Variants in ATPAF2 observed in about 807,000 individuals in gnomAD.
The protein encoded by ATPAF2 is ATP12 homolog.
A neutral mutation model predicts 36.6 loss-of-function variants in ATPAF2; 30 were observed. The observed-to-expected ratio is 0.82, with a 90% confidence interval of 0.61 to 1.11. ATPAF2 has a LOEUF of 1.11. Ranked by LOEUF, ATPAF2 falls within the 50% of genes most tolerant of loss-of-function variation. ATPAF2 has a pLI of 0.00. For missense variants in ATPAF2, 321 were observed against 372.3 expected, an observed-to-expected ratio of 0.86 and a Z score of 1.13; for synonymous variants, 140 against 152.6, an observed-to-expected ratio of 0.92 and a Z score of 0.61.
In ATPAF2 at chr17:18,018,166, C is replaced by T. The variant is rs1205826040; in HGVS notation, c.*383G>A. On this transcript the variant is annotated 3_prime_UTR_variant, in exon 8 of 8. Transcript: ENST00000474627. ...ACCACAGGCAGCAGATATCCAAACA[C>T]GCCATGGGAGATAAGCTGTTTAACC... 2.2e-5 allele frequency: 7 copies of T among 311,946 alleles called. No homozygotes were observed. The East Asian group carries it at 4.8e-4, about 21-fold the overall frequency. The allele number at this position is 311,946 out of a possible 1,614,324, so 19.3% of individuals were successfully genotyped here.
chr17:18,031,066 C>T (rs767780348), intron 1 of ATPAF2, among the ~76,000 whole-genome samples: 1 of 147,070 alleles, frequency 6.8e-6, no homozygotes, highest in Non-Finnish European at 1.5e-5. Context: ...TCTGCCTCCT[C>T]GGTTCACACC....
At chr17:18,025,535 CTAG>C (rs2044530966) in intron 4 of ATPAF2, 2 of 155,000 alleles carry the variant, frequency 1.3e-5, no homozygotes. Flanking sequence ...TCCTCTCACC[CTAG>C]TAGGGCACAG....
chr17:18,026,264 A>G (rs1174184093), intron 4 of ATPAF2, 55 bp downstream of exon 4: 1 of 1,488,240 alleles, frequency 6.7e-7, no homozygotes, highest in African/African-American at 1.4e-5. Flanking sequence ...CCATCTGGGC[A>G]AATCAGGAAA....
chr17:18,030,214 G>A (rs1190886095), intron 1 of ATPAF2, among the ~76,000 whole-genome samples: 3 of 150,636 alleles, frequency 2.0e-5, no homozygotes, highest in Non-Finnish European at 3.0e-5. Context: ...CCAGCTACTC[G>A]GGAGGCTGAG....
chr17:18,024,588 C>A, intron 5 of ATPAF2, 36 bp downstream of exon 5: 1 of 1,576,940 alleles, frequency 6.3e-7, no homozygotes. Context: ...AACGCAGGTG[C>A]CCAGTCAGTG....
intron 1 of ATPAF2, among the ~76,000 whole-genome samples, chr17:18,030,317 T>C (rs2044608359): frequency 1.4e-5 from 1 of 70,322 alleles, no homozygotes; most frequent in Non-Finnish European, 2.3e-5. Flanking sequence ...CAAGACTCCA[T>C]CTCAAAAAAA....
chr17:18,018,713 G>T, intron 7 of ATPAF2, 27 bp from the exon 8 acceptor site: 1 of 1,613,768 alleles, frequency 6.2e-7, no homozygotes, highest in South Asian at 1.1e-5. Flanking sequence ...ACAAGTTGCT[G>T]GGTGAGTGGC....
At chr17:18,028,200 C>T in intron 3 of ATPAF2, 32 bp downstream of exon 3, 1 of 1,614,108 alleles carries the variant, frequency 6.2e-7, no homozygotes, top group East Asian at 2.2e-5. Flanking sequence ...GGGTGGGTCT[C>T]AGGGTCCAGG....
chr17:18,020,517 C>T (rs2044454140), intron 7 of ATPAF2, among the ~76,000 whole-genome samples: 1 of 152,230 alleles, frequency 6.6e-6, no homozygotes, highest in African/African-American at 2.4e-5. Context: ...CCAGCTGGCA[C>T]ATTTTCCAGA....
intron 6 of ATPAF2, 88 bp from the exon 7 acceptor site, chr17:18,021,326 C>A (rs767003220): frequency 2.0e-6 from 2 of 996,498 alleles, no homozygotes; most frequent in Non-Finnish European, 3.1e-6. Flanking sequence ...TAGCAGAGAA[C>A]AGGAGTGAGT....
At position 18,024,633 on chromosome 17, in the gene ATPAF2, G is replaced by A. The variant is rs754924189; in HGVS notation, c.494C>T (p.Ala165Val). 3 of 1,613,792 alleles carry A rather than the reference G, an allele frequency of 1.9e-6. No homozygotes were observed. The highest frequency in any genetic ancestry group is 2.5e-6 in the Non-Finnish European group (3 of 1,179,840). ...GGGCTGTACATCTTACCTTTTCTCA[G>A]CCCATTCGATGATTGGATCCCACTC... ...RNEWDPIIEW[A>V]EKRYGVEISS... Residue 165 changes from alanine (A) to valine (V), a missense_variant, in exon 5 of 8, where the codon GCT becomes GTT. Ala to Val is a moderately conservative substitution (Grantham distance 64). This residue lies in a region of ATPAF2 where 199 missense variants were observed against 220.6 expected (regional missense o/e 0.90). Transcript: ENST00000474627.
intron 1 of ATPAF2, among the ~76,000 whole-genome samples, chr17:18,036,752 T>G (rs754570449): frequency 2.0e-5 from 3 of 152,180 alleles, no homozygotes; most frequent in Non-Finnish European, 4.4e-5. Flanking sequence ...GCCACCATTA[T>G]GTAAAGTGAG....
At chr17:18,028,791 T>G in intron 1 of ATPAF2, 132 bp from the exon 2 acceptor site, 1 of 866,746 alleles carries the variant, frequency 1.2e-6, no homozygotes, top group Non-Finnish European at 1.9e-6. Flanking sequence ...ATTCAAGGTC[T>G]GCCCTACTCA....
At chr17:18,029,698 C>CT (rs1164809598) in intron 1 of ATPAF2, among the ~76,000 whole-genome samples, 15 of 151,828 alleles carry the variant, frequency 9.9e-5, no homozygotes, top group African/African-American at 3.6e-4. Context: ...TCAAGCGACT[C>CT]TCCTGCCTCA....
At chr17:18,035,811 C>T (rs1239362641) in intron 1 of ATPAF2, among the ~76,000 whole-genome samples, 2 of 152,208 alleles carry the variant, frequency 1.3e-5, no homozygotes, top group African/African-American at 4.8e-5. Context: ...CAATCCACAC[C>T]ACTATTCTAT....
intron 1 of ATPAF2, among the ~76,000 whole-genome samples, chr17:18,029,723 T>C (rs1433419042): frequency 6.6e-6 from 1 of 151,740 alleles, no homozygotes; most frequent in African/African-American, 2.4e-5. Context: ...CCTGAGTAGC[T>C]GGGATTACAG....
At chr17:18,020,873 C>G (rs1054215335) in intron 7 of ATPAF2, 5 of 819,780 alleles carry the variant, frequency 6.1e-6, no homozygotes, top group Non-Finnish European at 5.1e-6. Flanking sequence ...GTTGCCCAGG[C>G]TGGTCTCAAA....
At chr17:18,025,563 ATT>A (rs1183531806) in intron 4 of ATPAF2, 1 of 154,386 alleles carries the variant, frequency 6.5e-6, no homozygotes, top group African/African-American at 2.4e-5. Context: ...GAGCTCTGAC[ATT>A]GGATCTTCCA....
rs780166761 is a variant in ATPAF2 at position 18,021,795 on chromosome 17, C to T, written c.566G>A (p.Arg189Gln). The T allele has an allele frequency of 2.4e-5, 39 of 1,614,002 alleles. No individual in the cohort carries two copies. In the Admixed American group the frequency reaches 4.8e-4, roughly 20 times the overall value. The change falls in exon 6 of 8, where the codon CGG becomes CAG. Residue 189 changes from arginine (R) to glutamine (Q), a missense_variant. Physicochemically the swap from Arg to Gln is conservative, Grantham distance 43. Around this residue, in one of 3 missense-constraint regions of ATPAF2, gnomAD observed 199 missense variants for 220.6 expected, o/e 0.90. Coordinates refer to ENST00000474627, the MANE Select transcript of ATPAF2 (RefSeq NM_145691.4). ...IMGPSIPAKTREVLVSHLASY... is the reference protein window; with the variant it reads ...IMGPSIPAKTQEVLVSHLASY... The stretch of plus-strand genomic sequence containing the variant: ...TGCCAGGTGGCTGACGAGCACCTCC[C>T]GAGTTTTGGCAGGGATGCTGGGTCC...
Sources: allele counts gnomAD v4.1 joint callset (sites outside exome capture counted in the v4.1 genomes callset), GRCh38; gene constraint gnomAD v4.1.1; regional missense constraint gnomAD v4.1.1; transcripts MANE v1.5; gene names NCBI Gene and HGNC (gene_info 2026-07-23, HGNC 2026-07-21).